The following LRRC28 variants were observed in gnomAD, a reference collection of about 807,000 sequenced individuals.
LRRC28 encodes leucine-rich repeat-containing protein 28.
LRRC28 carries 39 observed loss-of-function variants against 45.7 expected under a neutral mutation model. The observed-to-expected ratio is 0.85, with a 90% CI of 0.66 to 1.12. The LOEUF is 1.12. LRRC28 is among the 50% of genes most tolerant of loss of function. The probability of loss-of-function intolerance (pLI) is 0.00; values close to 1 mark genes in which losing one functional copy is unlikely to be tolerated. For missense variants in LRRC28, 435 were observed against 438.5 expected, an observed-to-expected ratio of 0.99 and a Z score of 0.07; for synonymous variants, 206 against 178.8, an observed-to-expected ratio of 1.15 and a Z score of -1.22.
chr15:99,293,357 G>A (rs1441119215), intron 5 of LRRC28, among the ~76,000 whole-genome samples: 1 of 151,874 alleles, frequency 6.6e-6, no homozygotes, highest in Non-Finnish European at 1.5e-5. Flanking sequence ...ACTTTGGGAG[G>A]CCAAGGTGGG....
rs12594181 is a variant in LRRC28, at chr15:99,292,644, G to A, written c.385+4693G>A. Among the ~76,000 whole-genome samples, 13 of 152,302 alleles carry A rather than the reference G, an allele frequency of 8.5e-5. No homozygotes were observed. The East Asian group carries it at 2.3e-3, about 27-fold the overall frequency. ...CTCCCAAAGTGCTGGGATTACAGGC[G>A]TGAGCCACCGCGCCCAGCCTCGTAC... On this transcript the variant is annotated intron_variant, in intron 5 of 9. Transcript: ENST00000301981.
chr15:99,380,053 C>A (rs1403087567), intron 9 of LRRC28, among the ~76,000 whole-genome samples: 2 of 152,178 alleles, frequency 1.3e-5, no homozygotes, highest in Non-Finnish European at 2.9e-5. Context: ...TCTATTAGAT[C>A]CACTTGGTGC....
chr15:99,336,577 C>G (rs1188166942), intron 6 of LRRC28, among the ~76,000 whole-genome samples: 1 of 152,192 alleles, frequency 6.6e-6, no homozygotes, highest in Admixed American at 6.5e-5. Flanking sequence ...CATTCAATCT[C>G]TCTCTCTATT....
At chr15:99,274,463 G>A (rs12901547) in intron 2 of LRRC28, among the ~76,000 whole-genome samples, 14,074 of 152,054 alleles carry the variant, frequency 0.093, 962 homozygotes, top group East Asian at 0.32. Context: ...ATACCTAATG[G>A]CCCAGACATA....
intron 5 of LRRC28, among the ~76,000 whole-genome samples, chr15:99,299,076 C>T (rs2082333721): frequency 6.6e-6 from 1 of 152,100 alleles, no homozygotes; most frequent in Non-Finnish European, 1.5e-5. Flanking sequence ...TCTACCATAC[C>T]GTTTGCTATC....
chr15:99,280,622 G>A (rs1160897099), intron 3 of LRRC28, among the ~76,000 whole-genome samples: 1 of 151,662 alleles, frequency 6.6e-6, no homozygotes, highest in Non-Finnish European at 1.5e-5. Flanking sequence ...TTCTCCCTTG[G>A]GCTACTTTGA....
Position 99,389,925 on chromosome 15 carries a change from T to A in LRRC28, c.*3823T>A, listed in dbSNP as rs1958134998. 1 of 152,216 alleles carries A rather than the reference T, an allele frequency of 6.6e-6. No individual in the cohort carries two copies. 9.4% of individuals were successfully genotyped at this position (152,216 alleles called of 1,614,324 possible). On this transcript the variant is annotated 3_prime_UTR_variant, in exon 10 of 10. Coordinates refer to ENST00000301981, the MANE Select transcript of LRRC28 (RefSeq NM_144598.5). ...TGAGGTCAGGAGTTTGAGACCAGCC[T>A]GGCCAGCATGGTGAAACCCCATCTC...
chr15:99,303,746 A>T (rs976542961), intron 5 of LRRC28, among the ~76,000 whole-genome samples: 1 of 152,158 alleles, frequency 6.6e-6, no homozygotes. Flanking sequence ...AGGCAGGAGA[A>T]TCGCATGAAT....
At chr15:99,319,853 G>T (rs1439574786) in intron 5 of LRRC28, among the ~76,000 whole-genome samples, 1 of 151,816 alleles carries the variant, frequency 6.6e-6, no homozygotes, top group Non-Finnish European at 1.5e-5. Context: ...AACCAGGCTG[G>T]AGTGCAGTGG....
chr15:99,361,560 A>T lies in LRRC28; in HGVS notation c.871+49A>T, dbSNP rs778029150. 4.0e-6 allele frequency: 6 copies of T among 1,513,274 alleles called. No individual in the cohort carries two copies. In the African/African-American group the frequency reaches 8.4e-5, roughly 21 times the overall value. The allele number at this position is 1,513,274 out of a possible 1,614,324, so 93.7% of individuals were successfully genotyped here. On this transcript the variant is annotated intron_variant, in intron 8 of 9. Coordinates refer to ENST00000301981, the MANE Select transcript of LRRC28 (RefSeq NM_144598.5). ...TATTTTTCTCTCTCATTTAGTGAAC[A>T]TTGTGCTTGGTGCACCTGTTTTGGC...
At chr15:99,282,013 A>G (rs530416937) in intron 3 of LRRC28, among the ~76,000 whole-genome samples, 9 of 151,854 alleles carry the variant, frequency 5.9e-5, no homozygotes, top group South Asian at 2.1e-4. Context: ...GCTGGTCTTG[A>G]ATTCTTGTCC....
intron 9 of LRRC28, among the ~76,000 whole-genome samples, chr15:99,365,734 A>G (rs771108658): frequency 6.6e-6 from 1 of 152,248 alleles, no homozygotes; most frequent in South Asian, 2.1e-4. Context: ...AAAAAGGAAC[A>G]TATTGAATAT....
chr15:99,371,503 T>C lies in LRRC28; in HGVS notation c.1031+8238T>C, dbSNP rs907157651. 9.8e-5 allele frequency among the ~76,000 whole-genome samples: 15 copies of C among 152,358 alleles called. No individual in the cohort carries two copies. In the East Asian group the frequency reaches 2.9e-3, roughly 29 times the overall value. Reference sequence around the variant, plus strand: ...AATACTCCCTTCTCCCACTCACTAGTAGTTTATTTTTAAAATAAGCTCTTT... The same window carrying C: ...AATACTCCCTTCTCCCACTCACTAGCAGTTTATTTTTAAAATAAGCTCTTT... On this transcript the variant is annotated intron_variant, in intron 9 of 9. Coordinates refer to ENST00000301981, the MANE Select transcript of LRRC28 (RefSeq NM_144598.5).
intron 9 of LRRC28, among the ~76,000 whole-genome samples, chr15:99,370,697 A>T (rs1307069807): frequency 5.3e-5 from 8 of 152,232 alleles, no homozygotes; most frequent in Non-Finnish European, 1.0e-4. Flanking sequence ...TTCAATTACA[A>T]ATGTTATTAA....
At chr15:99,359,616 C>T (rs1384798294) in intron 7 of LRRC28, among the ~76,000 whole-genome samples, 1 of 152,100 alleles carries the variant, frequency 6.6e-6, no homozygotes, top group South Asian at 2.1e-4. Context: ...GGCCAGTGGT[C>T]TCAGTTTGGG....
intron 5 of LRRC28, among the ~76,000 whole-genome samples, chr15:99,307,174 A>G (rs1203782432): frequency 6.6e-6 from 1 of 152,214 alleles, no homozygotes; most frequent in East Asian, 1.9e-4. Flanking sequence ...GACTTTTGGC[A>G]GATAGAAATG....
intron 2 of LRRC28, among the ~76,000 whole-genome samples, chr15:99,267,182 T>G (rs1481340440): frequency 6.6e-6 from 1 of 152,254 alleles, no homozygotes; most frequent in Non-Finnish European, 1.5e-5. Flanking sequence ...GTTTATGCCA[T>G]ATTGACATAG....
At chr15:99,313,727 G>T (rs1955496814) in intron 5 of LRRC28, among the ~76,000 whole-genome samples, 1 of 152,086 alleles carries the variant, frequency 6.6e-6, no homozygotes, top group Admixed American at 6.6e-5. Context: ...TAGTTTTCCT[G>T]TATGTAGAAT....
chr15:99,260,533 A>G (rs1172666626), intron 2 of LRRC28, among the ~76,000 whole-genome samples: 3 of 152,246 alleles, frequency 2.0e-5, no homozygotes, highest in African/African-American at 7.2e-5. Context: ...TTTGTAAACT[A>G]TAAAGGCTGT....
Sources: allele counts gnomAD v4.1 joint callset (sites outside exome capture counted in the v4.1 genomes callset), GRCh38; gene constraint gnomAD v4.1.1; transcripts MANE v1.5; gene names NCBI Gene and HGNC (gene_info 2026-07-23, HGNC 2026-07-21).